NCBP1: variants seen among roughly 807,000 people sequenced by gnomAD.
The protein encoded by NCBP1 is nuclear cap-binding protein subunit 1.
Under a neutral mutation model 111.7 loss-of-function variants are expected in NCBP1, and 16 were observed. The observed-to-expected ratio is 0.14, with a 90% CI of 0.10 to 0.22. The LOEUF is 0.22. Ranked by LOEUF, NCBP1 falls within the 10% of genes least tolerant of loss-of-function variation. NCBP1 has a pLI of 1.00. For synonymous variants in NCBP1, 304 were observed against 314.3 expected (o/e 0.97, Z 0.35); for missense variants, 607 against 957.5 (o/e 0.63, Z 4.83).
Position 97,650,511 on chromosome 9 carries a change from C to A in NCBP1, c.906C>A (p.Val302=). The change falls in exon 9 of 23, where the codon GTC becomes GTA. Residue 302 remains valine, a synonymous_variant. Coordinates refer to ENST00000375147, the MANE Select transcript of NCBP1 (RefSeq NM_002486.5). ...TTTGGTTTTCTTTCCAGGGTCCTGT[C>A]ATGCCAGGGAGTCATTCAGTGGAAA... ...FDYTDDPEGP[V]MPGSHSVERF... is the part of the protein sequence containing the mutation. 1.2e-6 allele frequency: 2 copies of A among 1,612,886 alleles called. No individual in the cohort carries two copies. Among genetic ancestry groups the A allele is most frequent in the Non-Finnish European group, 1.7e-6 (2 of 1,179,224 alleles).
intron 19 of NCBP1, among the ~76,000 whole-genome samples, chr9:97,665,161 T>TG (rs1429096521): frequency 2.0e-5 from 3 of 152,248 alleles, no homozygotes; most frequent in African/African-American, 7.2e-5. Context: ...CAGAGGACAC[T>TG]GATCAGAAAT....
chr9:97,662,976 C>T lies in NCBP1; in HGVS notation c.1726C>T (p.Leu576=), dbSNP rs1277194454. ...AAGGTTTCATGAAGTCTTCAAAACC[C>T]TAGCTGAAAGTGATGAAGGAAAGTT... ...LAKFHEVFKT[L]AESDEGKLHV... Residue 576 remains leucine (L), a synonymous_variant, in exon 18 of 23, where the codon CTA becomes TTA. Coordinates refer to ENST00000375147, the MANE Select transcript of NCBP1 (RefSeq NM_002486.5). 6.2e-7 allele frequency: 1 copy of T among 1,613,058 alleles called. No individual in the cohort carries two copies. Among genetic ancestry groups the T allele is most frequent in the Non-Finnish European group, 8.5e-7 (1 of 1,179,610 alleles).
intron 3 of NCBP1, among the ~76,000 whole-genome samples, chr9:97,642,902 C>T (rs767083871): frequency 2.5e-4 from 38 of 152,066 alleles, no homozygotes; most frequent in Non-Finnish European, 5.0e-4. Flanking sequence ...TATTCAGTTC[C>T]ACTAAGCACA....
chr9:97,662,339 A>G (rs564015034), intron 17 of NCBP1, among the ~76,000 whole-genome samples, 195 bp downstream of exon 17: 12 of 152,316 alleles, frequency 7.9e-5, no homozygotes, highest in African/African-American at 2.6e-4. Context: ...CAGTTGGCAT[A>G]TGTACATGGT....
At chr9:97,641,804 C>A in intron 3 of NCBP1, 142 bp downstream of exon 3, 1 of 940,874 alleles carries the variant, frequency 1.1e-6, no homozygotes. Flanking sequence ...AATGAGCCAA[C>A]CTTTGGCGCT....
chr9:97,665,768 C>T (rs1827981539), intron 19 of NCBP1, among the ~76,000 whole-genome samples: 1 of 150,820 alleles, frequency 6.6e-6, no homozygotes, highest in Non-Finnish European at 1.5e-5. Context: ...CACCCCACCC[C>T]ACACAGTCAA....
In NCBP1 at chr9:97,645,126, T is replaced by C; in HGVS notation, c.391T>C (p.Leu131=). The change falls in exon 5 of 23, where the codon TTA becomes CTA. Residue 131 remains leucine (L), a synonymous_variant. Transcript: ENST00000375147. ...YNEAVYLVRF[L]SDLVNCHVIA... ...TTGTTTGCCCCAACAGGTCCGTTTT[T>C]TATCTGATCTTGTGAATTGTCATGT... The C allele has an allele frequency of 6.2e-7, 1 of 1,613,192 alleles. No individual in the cohort carries two copies. Among genetic ancestry groups the C allele is most frequent in the African/African-American group, 1.3e-5 (1 of 74,992 alleles).
At chr9:97,636,227 A>G (rs995700626) in intron 1 of NCBP1, among the ~76,000 whole-genome samples, 1 of 152,130 alleles carries the variant, frequency 6.6e-6, no homozygotes, top group Non-Finnish European at 1.5e-5. Context: ...TCTGAATCAG[A>G]TTATTTTGGA....
intron 21 of NCBP1, among the ~76,000 whole-genome samples, 193 bp from the exon 22 acceptor site, chr9:97,669,400 A>G (rs1375929725): frequency 6.6e-6 from 1 of 152,210 alleles, no homozygotes; most frequent in Non-Finnish European, 1.5e-5. Flanking sequence ...ATGTATTGCC[A>G]GGAAGAATGT....
At chr9:97,660,554 G>A (rs765025634) in intron 15 of NCBP1, among the ~76,000 whole-genome samples, 16 of 152,198 alleles carry the variant, frequency 1.1e-4, no homozygotes, top group South Asian at 2.1e-4. Flanking sequence ...GGAAGTGGGT[G>A]TTGGCAAAAT....
chr9:97,668,128 C>A (rs1156641107), intron 20 of NCBP1, among the ~76,000 whole-genome samples: 1 of 152,144 alleles, frequency 6.6e-6, no homozygotes, highest in Non-Finnish European at 1.5e-5. Context: ...TTCAGTGATG[C>A]CACCTTCTTG....
chr9:97,640,927 G>A, intron 2 of NCBP1, 45 bp downstream of exon 2: 1 of 1,383,702 alleles, frequency 7.2e-7, no homozygotes, highest in Non-Finnish European at 9.9e-7. Flanking sequence ...TTAAGAATGT[G>A]GTTAACTGTG....
At chr9:97,656,873 G>T (rs1031634694) in intron 14 of NCBP1, among the ~76,000 whole-genome samples, 3 of 152,158 alleles carry the variant, frequency 2.0e-5, no homozygotes, top group Admixed American at 2.0e-4. Flanking sequence ...ATTAGCTGTG[G>T]TACAATCCTA....
chr9:97,643,598 GA>G (rs572559606), intron 4 of NCBP1, among the ~76,000 whole-genome samples: 229 of 152,188 alleles, frequency 1.5e-3, no homozygotes, highest in African/African-American at 5.2e-3. Context: ...ACCTTACTAG[GA>G]AGTGCCTAAA....
At chr9:97,654,308 A>G (rs1210373145) in intron 11 of NCBP1, among the ~76,000 whole-genome samples, 10 of 152,208 alleles carry the variant, frequency 6.6e-5, no homozygotes, top group African/African-American at 2.4e-4. Context: ...ATGATATTCT[A>G]AATCCTTCGT....
rs1324762506 is a variant in NCBP1 at position 97,672,117 on chromosome 9, T to C, written c.*918T>C. The C allele has an allele frequency of 2.0e-5, 3 of 152,216 alleles. No individual in the cohort carries two copies. The highest frequency in any genetic ancestry group is 7.2e-5 in the African/African-American group (3 of 41,456). 9.4% of individuals were successfully genotyped at this position (152,216 alleles called of 1,614,324 possible). A position where few individuals can be genotyped will look rare whatever the true frequency, so the allele number is the denominator to read the frequency against. On this transcript the variant is annotated 3_prime_UTR_variant, in exon 23 of 23. Coordinates refer to ENST00000375147, the MANE Select transcript of NCBP1 (RefSeq NM_002486.5). Reference sequence around the variant, plus strand: ...CCAAAAAACTACGAAGTCCTGAGCTTGTTTCCTGTATAGTACTGATGCTGA... The same window carrying C: ...CCAAAAAACTACGAAGTCCTGAGCTCGTTTCCTGTATAGTACTGATGCTGA...
rs891652312 is a variant in NCBP1, at chr9:97,670,374, C to G, written c.2259+668C>G. On this transcript the variant is annotated intron_variant, in intron 22 of 22. Coordinates refer to ENST00000375147, the MANE Select transcript of NCBP1 (RefSeq NM_002486.5). ...ACTGTCCACAGAATCAAGGTAAGCT[C>G]CCTGGGGTCTCTCTGCAAAAGCAAA... Among the ~76,000 whole-genome samples the G allele has an allele frequency of 2.0e-5, 3 of 152,108 alleles. No homozygotes were observed. In the East Asian group the frequency reaches 5.8e-4, roughly 29 times the overall value.
intron 18 of NCBP1, among the ~76,000 whole-genome samples, 196 bp from the exon 19 acceptor site, chr9:97,664,144 A>G (rs1827921885): frequency 6.6e-6 from 1 of 151,810 alleles, no homozygotes; most frequent in African/African-American, 2.4e-5. Flanking sequence ...GTGCCACTCC[A>G]CTCCCGCCTA....
intron 14 of NCBP1, 84 bp downstream of exon 14, chr9:97,656,169 T>G: frequency 8.7e-7 from 1 of 1,148,514 alleles, no homozygotes; most frequent in Non-Finnish European, 1.3e-6. Context: ...GTTCAGAATA[T>G]TGGATTCAAA....
Sources: gnomAD v4.1 joint callset for allele counts (sites outside exome capture counted in the v4.1 genomes callset) on GRCh38, gnomAD v4.1.1 for gene constraint, MANE v1.5 for transcripts, NCBI Gene and HGNC (gene_info 2026-07-23, HGNC 2026-07-21) for gene names.